Variants in CDC14B observed in about 807,000 individuals in gnomAD.
CDC14B encodes dual specificity protein phosphatase CDC14B.
A neutral mutation model predicts 64.2 loss-of-function variants in CDC14B; 22 were observed. The observed-to-expected ratio is 0.34, with a 90% CI of 0.24 to 0.49. CDC14B has a LOEUF of 0.49. Ranked by LOEUF, CDC14B falls within the 20% of genes least tolerant of loss-of-function variation. CDC14B has a pLI of 0.99. For synonymous variants in CDC14B, 191 were observed against 215.8 expected (o/e 0.89, Z 1.01); for missense variants, 498 against 629.9 (o/e 0.79, Z 2.24).
chr9:96,579,812 T>C (rs942880986), intron 1 of CDC14B, among the ~76,000 whole-genome samples: 5 of 152,046 alleles, frequency 3.3e-5, no homozygotes, highest in African/African-American at 4.8e-5. Context: ...GCGTATTCTG[T>C]CACAGCAGCC....
At chr9:96,498,158 C>T (rs926290926), downstream of CDC14B, among the ~76,000 whole-genome samples, 1 of 152,182 alleles carries the variant, frequency 6.6e-6, no homozygotes, top group African/African-American at 2.4e-5. Context: ...AGAATTCCTC[C>T]CTAGATGCTC....
intron 1 of CDC14B, among the ~76,000 whole-genome samples, chr9:96,574,172 G>C (rs1343528143): frequency 2.0e-5 from 3 of 151,900 alleles, no homozygotes; most frequent in Admixed American, 1.3e-4. Flanking sequence ...CCAAGAAGGG[G>C]GCTCCTGTTC....
At chr9:96,589,502 G>A (rs1330083602) in intron 1 of CDC14B, among the ~76,000 whole-genome samples, 2 of 151,980 alleles carry the variant, frequency 1.3e-5, no homozygotes, top group Admixed American at 1.3e-4. Flanking sequence ...TCATTTGTCA[G>A]GTGTATGCAC....
chr9:96,535,808 A>C (rs1003831653), intron 7 of CDC14B, among the ~76,000 whole-genome samples: 1 of 146,692 alleles, frequency 6.8e-6, no homozygotes, highest in African/African-American at 2.8e-5. Context: ...GTGCAGTGGC[A>C]TGCACCTGTA....
chr9:96,567,073 T>C (rs915094558), intron 1 of CDC14B: 84 of 996,756 alleles, frequency 8.4e-5, no homozygotes, highest in Non-Finnish European at 1.1e-4. Context: ...TCCCGCTTTC[T>C]TTCCCCCCGC....
chr9:96,585,844 G>A (rs1195662135), intron 1 of CDC14B, among the ~76,000 whole-genome samples: 1 of 152,124 alleles, frequency 6.6e-6, no homozygotes, highest in East Asian at 1.9e-4. Context: ...GCTAAAAACT[G>A]AAAGCAACCC....
chr9:96,606,919 T>G (rs1009902748), intron 1 of CDC14B, among the ~76,000 whole-genome samples: 3 of 151,844 alleles, frequency 2.0e-5, no homozygotes, highest in Admixed American at 2.0e-4. Flanking sequence ...ACCTGTAGTC[T>G]CAGCTACTCA....
chr9:96,562,558 A>T, intron 4 of CDC14B, 135 bp downstream of exon 4: 1 of 685,428 alleles, frequency 1.5e-6, no homozygotes, highest in Non-Finnish European at 2.6e-6. Context: ...TGAATTGGTC[A>T]ATTTTTTAAA....
At chr9:96,580,535 T>C (rs899041535) in intron 1 of CDC14B, among the ~76,000 whole-genome samples, 1 of 152,196 alleles carries the variant, frequency 6.6e-6, no homozygotes, top group Non-Finnish European at 1.5e-5. Context: ...CCGGCTAGAT[T>C]GCTACTTTTA....
intron 7 of CDC14B, among the ~76,000 whole-genome samples, chr9:96,537,374 C>G (rs1350688700): frequency 6.6e-6 from 1 of 152,088 alleles, no homozygotes; most frequent in Non-Finnish European, 1.5e-5. Flanking sequence ...TGGGGCTGAC[C>G]CTATGCCCCA....
At chr9:96,583,813 G>C (rs898687969) in intron 1 of CDC14B, among the ~76,000 whole-genome samples, 7 of 152,064 alleles carry the variant, frequency 4.6e-5, no homozygotes, top group African/African-American at 1.4e-4. Flanking sequence ...CCGCCTCCCG[G>C]GTTCACACCA....
At position 96,619,330 on chromosome 9, in the gene CDC14B, A is replaced by G. The variant is rs564285170; in HGVS notation, c.49T>C (p.Cys17Arg). ...GAGGTCGACGAGCAGCGCCGCGAGC[A>G]GGGGGGCGCGGCGGCCCAGCTCGAC... ...RRSSWAAAPP[C>R]SRRCSSTSPG... The change falls in exon 1 of 14, where the codon TGC becomes CGC. Residue 17 changes from cysteine (C) to arginine (R), a missense_variant. Transcript: ENST00000375241. 1.6e-6 allele frequency: 2 copies of G among 1,283,432 alleles called. No homozygotes were observed. Among genetic ancestry groups the G allele is most frequent in the East Asian group, 3.0e-5 (1 of 33,642 alleles). 79.5% of individuals were successfully genotyped at this position (1,283,432 alleles called of 1,614,324 possible).
In CDC14B at chr9:96,566,683, G is replaced by A. The variant is rs1342203426; in HGVS notation, c.161-1200C>T. On this transcript the variant is annotated intron_variant, in intron 1 of 13. Coordinates refer to ENST00000375241, the MANE Select transcript of CDC14B (RefSeq NM_033331.4). ...ACAAGGGCGGCCGGGGCCCAGACTA[G>A]GGGCACCTCCAAGCCAGCACTGCCC... is the stretch of plus-strand genomic sequence containing the variant. The A allele has an allele frequency of 4.5e-6, 6 of 1,344,298 alleles. 1 individual carries two copies. The Admixed American group carries it at 7.9e-5, about 18-fold the overall frequency. The allele number at this position is 1,344,298 out of a possible 1,614,324, so 83.3% of individuals were successfully genotyped here.
At chr9:96,517,241 T>C (rs557310114) in intron 12 of CDC14B, among the ~76,000 whole-genome samples, 14 of 149,280 alleles carry the variant, frequency 9.4e-5, no homozygotes, top group African/African-American at 2.2e-4. Flanking sequence ...ACTCGGGAAG[T>C]TGGGGCAGGA....
At chr9:96,613,983 G>A (rs1847474519) in intron 1 of CDC14B, among the ~76,000 whole-genome samples, 1 of 152,140 alleles carries the variant, frequency 6.6e-6, no homozygotes, top group Non-Finnish European at 1.5e-5. Context: ...AGGAGACAAT[G>A]CTGTATTTGT....
intron 7 of CDC14B, among the ~76,000 whole-genome samples, chr9:96,535,920 G>GA (rs1839205725): frequency 6.6e-6 from 1 of 152,148 alleles, no homozygotes; most frequent in Admixed American, 6.5e-5. Context: ...TAAATAAAAA[G>GA]AAAAGGAAAG....
chr9:96,574,349 CTTG>C (rs770481351), intron 1 of CDC14B, among the ~76,000 whole-genome samples: 9 of 152,102 alleles, frequency 5.9e-5, no homozygotes, highest in Middle Eastern at 3.4e-3. Flanking sequence ...CGTGGGACAA[CTTG>C]TTGTCCATGT....
intron 9 of CDC14B, among the ~76,000 whole-genome samples, chr9:96,531,665 TATA>T (rs1838511146): frequency 2.0e-5 from 3 of 152,280 alleles, no homozygotes; most frequent in Middle Eastern, 3.4e-3. Context: ...AATTTTTGTA[TATA>T]ATAATACACA....
At chr9:96,583,338 C>A (rs1054871772) in intron 1 of CDC14B, among the ~76,000 whole-genome samples, 30 of 150,912 alleles carry the variant, frequency 2.0e-4, no homozygotes, top group African/African-American at 7.1e-4. Context: ...ATGCGTAAAC[C>A]GGCGCCACCC....
Sources: allele counts gnomAD v4.1 joint callset (sites outside exome capture counted in the v4.1 genomes callset), GRCh38; gene constraint gnomAD v4.1.1; transcripts MANE v1.5; gene names NCBI Gene and HGNC (gene_info 2026-07-23, HGNC 2026-07-21).